SUPT3H: variants seen among roughly 807,000 people sequenced by gnomAD.
SUPT3H encodes SPT3 homolog, SAGA and STAGA complex component.
A neutral mutation model predicts 44.3 loss-of-function variants in SUPT3H; 44 were observed. That is an observed-to-expected ratio of 0.99 (90% CI 0.78 to 1.28). The LOEUF (loss-of-function observed/expected upper bound fraction) is 1.28, where lower values mean the gene tolerates loss of function less well. Ranked by LOEUF, SUPT3H falls within the 50% of genes most tolerant of loss-of-function variation. SUPT3H has a pLI of 0.00. For missense variants in SUPT3H, 380 were observed against 387.1 expected, an observed-to-expected ratio of 0.98 and a Z score of 0.15; for synonymous variants, 124 against 125.6, an observed-to-expected ratio of 0.99 and a Z score of 0.09.
intron 2 of SUPT3H, among the ~76,000 whole-genome samples, chr6:45,135,350 G>T (rs545909963): frequency 6.6e-6 from 1 of 152,242 alleles, no homozygotes; most frequent in East Asian, 1.9e-4. Context: ...CTCTCCTAAA[G>T]ATGCCTTTTT....
intron 4 of SUPT3H, among the ~76,000 whole-genome samples, chr6:45,019,450 A>G (rs1784795950): frequency 6.6e-6 from 1 of 151,884 alleles, no homozygotes; most frequent in South Asian, 2.1e-4. Flanking sequence ...TAGGGTGTCA[A>G]TTTTGGATCT....
chr6:45,036,975 A>C (rs1030237939), intron 3 of SUPT3H, among the ~76,000 whole-genome samples: 1 of 152,130 alleles, frequency 6.6e-6, no homozygotes, highest in African/African-American at 2.4e-5. Context: ...AATCTAGGAG[A>C]GGTATTCCCC....
intron 2 of SUPT3H, among the ~76,000 whole-genome samples, chr6:45,267,433 T>C (rs928692026): frequency 1.3e-5 from 2 of 152,364 alleles, no homozygotes; most frequent in African/African-American, 4.8e-5. Context: ...AAGTGCAATG[T>C]TTTTATTGCA....
intron 10 of SUPT3H, among the ~76,000 whole-genome samples, chr6:44,912,042 C>T (rs1767128256): frequency 6.6e-6 from 1 of 152,198 alleles, no homozygotes; most frequent in Admixed American, 6.5e-5. Context: ...GCACAATCCA[C>T]AGAACTTCAT....
intron 6 of SUPT3H, among the ~76,000 whole-genome samples, chr6:44,990,624 T>C (rs1780480544): frequency 6.6e-6 from 1 of 152,136 alleles, no homozygotes. Context: ...AAGCCCATCA[T>C]GAATAGACAA....
At chr6:45,112,353 C>G (rs992617113) in intron 2 of SUPT3H, among the ~76,000 whole-genome samples, 1 of 151,838 alleles carries the variant, frequency 6.6e-6, no homozygotes, top group African/African-American at 2.4e-5. Context: ...TAGTTTATCC[C>G]TGGCCTTATA....
At chr6:45,171,838 C>G (rs1448758981) in intron 2 of SUPT3H, among the ~76,000 whole-genome samples, 1 of 150,074 alleles carries the variant, frequency 6.7e-6, no homozygotes, top group South Asian at 2.1e-4. Flanking sequence ...CTGCCTCAGC[C>G]TCCTAAGTAG....
At chr6:45,211,857 A>G (rs1461390288) in intron 2 of SUPT3H, among the ~76,000 whole-genome samples, 3 of 151,914 alleles carry the variant, frequency 2.0e-5, no homozygotes, top group African/African-American at 7.3e-5. Context: ...CAACTAAAAA[A>G]AAAAAAAGAG....
intron 10 of SUPT3H, among the ~76,000 whole-genome samples, chr6:44,905,798 G>T (rs1216729631): frequency 6.6e-6 from 1 of 152,162 alleles, no homozygotes; most frequent in Non-Finnish European, 1.5e-5. Context: ...TGATAGACTG[G>T]ATTAAGAAAA....
chr6:44,879,857 G>A (rs1777932836), intron 10 of SUPT3H, among the ~76,000 whole-genome samples: 1 of 152,086 alleles, frequency 6.6e-6, no homozygotes, highest in East Asian at 1.9e-4. Flanking sequence ...GAAGGAAAAT[G>A]AACAAACACA....
At chr6:44,821,025 A>AT (rs1485422787) in intron 11 of SUPT3H, among the ~76,000 whole-genome samples, 1 of 151,866 alleles carries the variant, frequency 6.6e-6, no homozygotes, top group Non-Finnish European at 1.5e-5. Context: ...TACTTTTTTA[A>AT]TTTTTTGTAG....
At chr6:45,146,065 G>A (rs1806015952) in intron 2 of SUPT3H, among the ~76,000 whole-genome samples, 1 of 152,090 alleles carries the variant, frequency 6.6e-6, no homozygotes, top group Admixed American at 6.6e-5. Context: ...TTACACTGCT[G>A]GTGGGAACAT....
chr6:44,983,564 C>T (rs527990955), intron 6 of SUPT3H, among the ~76,000 whole-genome samples: 6 of 152,262 alleles, frequency 3.9e-5, no homozygotes, highest in African/African-American at 1.4e-4. Context: ...ATGCTTATGA[C>T]ACTTCAAAGA....
chr6:44,974,570 C>T (rs1033836682), intron 6 of SUPT3H, among the ~76,000 whole-genome samples: 1 of 152,106 alleles, frequency 6.6e-6, no homozygotes, highest in Non-Finnish European at 1.5e-5. Context: ...AAACAGAGGC[C>T]ATTTCACAGG....
chr6:45,089,294 A>C (rs1383816840), intron 3 of SUPT3H, among the ~76,000 whole-genome samples: 1 of 152,038 alleles, frequency 6.6e-6, no homozygotes, highest in African/African-American at 2.4e-5. Flanking sequence ...TTCAATCTAT[A>C]TGTTACATTT....
At chr6:44,948,563 A>G (rs1288240287) in intron 9 of SUPT3H, among the ~76,000 whole-genome samples, 1 of 152,196 alleles carries the variant, frequency 6.6e-6, no homozygotes, top group East Asian at 1.9e-4. Flanking sequence ...AAACAACCCA[A>G]TCAAAAAGTG....
At chr6:45,213,317 T>A (rs1319275066) in intron 2 of SUPT3H, among the ~76,000 whole-genome samples, 1 of 152,168 alleles carries the variant, frequency 6.6e-6, no homozygotes, top group Non-Finnish European at 1.5e-5. Context: ...TATTTTTTAA[T>A]AAGTTAATGT....
chr6:44,916,208 T>C (rs1767782304), intron 10 of SUPT3H, among the ~76,000 whole-genome samples: 1 of 152,256 alleles, frequency 6.6e-6, no homozygotes, highest in Non-Finnish European at 1.5e-5. Flanking sequence ...CCTTTCCTGA[T>C]GCTCAAGCTG....
At chr6:45,065,756 C>A (rs1793178357) in intron 3 of SUPT3H, among the ~76,000 whole-genome samples, 1 of 151,646 alleles carries the variant, frequency 6.6e-6, no homozygotes, top group African/African-American at 2.4e-5. Flanking sequence ...CAAGACTAAA[C>A]CAGGAAGAAG....
Sources: gnomAD v4.1 joint callset for allele counts (sites outside exome capture counted in the v4.1 genomes callset) on GRCh38, gnomAD v4.1.1 for gene constraint, MANE v1.5 for transcripts, NCBI Gene and HGNC (gene_info 2026-07-23, HGNC 2026-07-21) for gene names.